The following PPP1R16A variants were observed in gnomAD, a reference collection of about 807,000 sequenced individuals.
The protein encoded by PPP1R16A is myosin phosphatase-targeting subunit 3.
A neutral mutation model predicts 46.6 loss-of-function variants in PPP1R16A; 39 were observed. The observed-to-expected ratio is 0.84, with a 90% CI of 0.65 to 1.09. PPP1R16A has a LOEUF of 1.09. PPP1R16A is among the 50% of genes least tolerant of loss of function. PPP1R16A has a pLI of 0.00. For missense variants in PPP1R16A, 798 were observed against 735.6 expected (o/e 1.08, Z -0.98); for synonymous variants, 413 against 321.5 (o/e 1.28, Z -3.04).
chr8:144,501,399 T>G, intron 11 of PPP1R16A, 105 bp downstream of exon 11: 1 of 1,483,098 alleles, frequency 6.7e-7, no homozygotes, highest in Non-Finnish European at 9.0e-7. Flanking sequence ...AATGGTGCCC[T>G]GCAGGGGCCA....
In PPP1R16A at chr8:144,493,727, T is replaced by C. The variant is rs1370388405; in HGVS notation, c.-734-2734T>C. On this transcript the variant is annotated intron_variant, in intron 2 of 11. Coordinates refer to ENST00000435887, the MANE Select transcript of PPP1R16A (RefSeq NM_001329443.2). The surrounding 1 kb of genome is among the most constrained non-coding windows in gnomAD (Gnocchi z 4.3). Reference sequence around the variant, plus strand: ...CCTGGCACCCACTCTTGGGGGGCCCTGGGCTCACTTTGGGTACCTCGTTTT... The same window carrying C: ...CCTGGCACCCACTCTTGGGGGGCCCCGGGCTCACTTTGGGTACCTCGTTTT... Among the ~76,000 whole-genome samples the C allele has an allele frequency of 6.6e-6, 1 of 152,142 alleles. No homozygotes were observed. Among genetic ancestry groups the C allele is most frequent in the East Asian group, 1.9e-4 (1 of 5,200 alleles).
chr8:144,491,111 T>G lies in PPP1R16A; in HGVS notation c.-735+899T>G, dbSNP rs142552400. Among the ~76,000 whole-genome samples the G allele has an allele frequency of 6.6e-5, 10 of 152,246 alleles. 1 individual carries two copies. In the East Asian group the frequency reaches 1.7e-3, roughly 27 times the overall value. ...CCAGTCTGTGTGTGTATGTAACACC[T>G]TTAGCCAGGCTCTGGCAGCCTCTGC... On this transcript the variant is annotated intron_variant, in intron 2 of 11. Transcript: ENST00000435887.
intron 1 of PPP1R16A, among the ~76,000 whole-genome samples, chr8:144,487,645 C>T (rs1313298579): frequency 6.6e-6 from 1 of 152,240 alleles, no homozygotes; most frequent in African/African-American, 2.4e-5. Flanking sequence ...GCTGGGATTG[C>T]AGGTGTGAGC....
intron 2 of PPP1R16A, among the ~76,000 whole-genome samples, chr8:144,494,176 T>G (rs1187122799): frequency 1.3e-5 from 2 of 152,178 alleles, no homozygotes; most frequent in African/African-American, 4.8e-5. Flanking sequence ...CTCGCTGTAT[T>G]GCCCAGGCTG....
chr8:144,493,328 A>G lies in PPP1R16A; in HGVS notation c.-735+3116A>G. On this transcript the variant is annotated intron_variant, in intron 2 of 11. Transcript: ENST00000435887. This position sits in a 1 kb window ranked among gnomAD's most constrained non-coding sequence, Gnocchi z 4.3. ...CGGGAATCTGTTTGACATTCCAAGG[A>G]GGTTTGGGGGAAGGTTTGTGGAGTA... Among the ~76,000 whole-genome samples the G allele has an allele frequency of 6.6e-6, 1 of 151,984 alleles. No homozygotes were observed. The highest frequency in any genetic ancestry group is 1.9e-4 in the East Asian group (1 of 5,178).
In PPP1R16A at chr8:144,500,754, G is replaced by GC; in HGVS notation, c.904dup (p.Leu302ProfsTer2). The GC allele has an allele frequency of 6.2e-7, 1 of 1,611,486 alleles. No individual in the cohort carries two copies. The highest frequency in any genetic ancestry group is 8.5e-7 in the Non-Finnish European group (1 of 1,179,542). ...ACGCAAAGTCCCTGATGGACGAGAC[G>GC]CCCCTTGGTGAGCTTGCGGGGCCCA... On this transcript the variant is annotated frameshift_variant, in exon 9 of 12. Transcript: ENST00000435887. LOFTEE classifies it high-confidence loss of function.
chr8:144,487,750 A>G (rs1825671040), intron 1 of PPP1R16A, among the ~76,000 whole-genome samples: 1 of 152,208 alleles, frequency 6.6e-6, no homozygotes, highest in African/African-American at 2.4e-5. Context: ...ACCAAACTGT[A>G]TATAATAAGT....
At chr8:144,478,421 G>A (rs986402148) in intron 1 of PPP1R16A, 4 of 307,400 alleles carry the variant, frequency 1.3e-5, no homozygotes, top group African/African-American at 8.6e-5. Flanking sequence ...GGCCGCCTTG[G>A]GCGTTGCTGG....
chr8:144,483,273 C>G (rs1825510782), intron 1 of PPP1R16A, among the ~76,000 whole-genome samples: 1 of 152,198 alleles, frequency 6.6e-6, no homozygotes. Context: ...CTGCCTCCTA[C>G]AAATGATGTT....
At chr8:144,492,060 C>T (rs1219139922) in intron 2 of PPP1R16A, among the ~76,000 whole-genome samples, 20 of 152,100 alleles carry the variant, frequency 1.3e-4, no homozygotes, top group Admixed American at 1.3e-3. Flanking sequence ...GGAGGGCAGG[C>T]AATGTGGGGG....
chr8:144,500,224 G>T (rs1826345097), intron 6 of PPP1R16A, 25 bp downstream of exon 6: 2 of 1,588,498 alleles, frequency 1.3e-6, no homozygotes, highest in African/African-American at 1.3e-5. Context: ...GCGGCTGTGG[G>T]AGGGCTGCCG....
At chr8:144,494,506 C>T (rs892822954) in intron 2 of PPP1R16A, among the ~76,000 whole-genome samples, 2 of 152,090 alleles carry the variant, frequency 1.3e-5, no homozygotes, top group African/African-American at 4.8e-5. Flanking sequence ...CAGGGTCTTA[C>T]CCTGCTGCCC....
At chr8:144,492,158 C>T (rs115705812) in intron 2 of PPP1R16A, among the ~76,000 whole-genome samples, 3,421 of 152,188 alleles carry the variant, frequency 0.022, 72 homozygotes, top group African/African-American at 0.055. Context: ...CCGTGCTGAC[C>T]GCCCAGATGC....
Position 144,493,269 on chromosome 8 carries a change from C to G in PPP1R16A, c.-735+3057C>G, listed in dbSNP as rs527375262. Among the ~76,000 whole-genome samples the G allele has an allele frequency of 6.6e-6, 1 of 152,112 alleles. No homozygotes were observed. The highest frequency in any genetic ancestry group is 1.5e-5 in the Non-Finnish European group (1 of 67,982). On this transcript the variant is annotated intron_variant, in intron 2 of 11. Coordinates refer to ENST00000435887, the MANE Select transcript of PPP1R16A (RefSeq NM_001329443.2). The surrounding 1 kb of genome is among the most constrained non-coding windows in gnomAD (Gnocchi z 4.3). ...GCTTTGAGGAGTGGAATGAACCCAC[C>G]GGGTTATCTGTTTAGAACTGGAATG...
intron 1 of PPP1R16A, among the ~76,000 whole-genome samples, chr8:144,479,633 C>G (rs956186654): frequency 6.6e-5 from 10 of 152,186 alleles, no homozygotes; most frequent in Non-Finnish European, 1.3e-4. Flanking sequence ...TGATACAGCT[C>G]TCCACTGCAT....
At chr8:144,496,416 G>A (rs1232307514) in intron 2 of PPP1R16A, 45 bp from the exon 3 acceptor site, 1 of 152,398 alleles carries the variant, frequency 6.6e-6, no homozygotes, top group Non-Finnish European at 1.5e-5. Flanking sequence ...GGGCCACCCT[G>A]CCTCAAGCCG....
At chr8:144,487,496 A>C (rs753339752) in intron 1 of PPP1R16A, among the ~76,000 whole-genome samples, 1 of 152,112 alleles carries the variant, frequency 6.6e-6, no homozygotes, top group African/African-American at 2.4e-5. Flanking sequence ...CAGCCTCCCA[A>C]GTAGCTGGAA....
rs1317888718 is a variant in PPP1R16A at position 144,500,754 on chromosome 8, G to A, written c.900G>A (p.Thr300=). ...DLNAKSLMDE[T]PLDVCGDEEV... ...ACGCAAAGTCCCTGATGGACGAGAC[G>A]CCCCTTGGTGAGCTTGCGGGGCCCA... The change falls in exon 9 of 12, where the codon ACG becomes ACA. Residue 300 remains threonine (T), a synonymous_variant. Transcript: ENST00000435887. 6.2e-7 allele frequency: 1 copy of A among 1,611,486 alleles called. No individual in the cohort carries two copies. The highest frequency in any genetic ancestry group is 1.7e-5 in the Admixed American group (1 of 59,922).
intron 1 of PPP1R16A, 159 bp downstream of exon 1, chr8:144,478,286 C>T (rs1825259198): frequency 5.2e-6 from 2 of 383,378 alleles, no homozygotes; most frequent in Admixed American, 4.5e-5. Context: ...AGGGAGGAGG[C>T]CGGGAAGGGC....
Sources: gnomAD v4.1 joint callset for allele counts (sites outside exome capture counted in the v4.1 genomes callset) on GRCh38, gnomAD v4.1.1 for gene constraint, Gnocchi (gnomAD v3.1) non-coding constraint, MANE v1.5 for transcripts, NCBI Gene and HGNC (gene_info 2026-07-23, HGNC 2026-07-21) for gene names.